NAV2: variants seen among roughly 807,000 people sequenced by gnomAD.
NAV2 encodes the protein helicase, APC down-regulated 1.
Under a neutral mutation model 223.2 loss-of-function variants are expected in NAV2, and 54 were observed. The observed-to-expected ratio is 0.24, with a 90% CI of 0.19 to 0.30. The LOEUF (loss-of-function observed/expected upper bound fraction) is 0.30. Among genes scored for constraint, NAV2 ranks in the 10% least tolerant of loss-of-function variants. NAV2 has a pLI of 1.00. For missense variants in NAV2, 2,806 were observed against 3,147.5 expected (o/e 0.89, Z 2.60); for synonymous variants, 1,279 against 1,239.3 (o/e 1.03, Z -0.67).
At chr11:19,930,391 T>C (rs2045213821) in intron 6 of NAV2, among the ~76,000 whole-genome samples, 1 of 152,190 alleles carries the variant, frequency 6.6e-6, no homozygotes, top group Non-Finnish European at 1.5e-5. Flanking sequence ...TAAGATCACA[T>C]TGATCCATGT....
chr11:19,555,186 A>G (rs10741779), intron 1 of NAV2, among the ~76,000 whole-genome samples: 40,798 of 152,048 alleles, frequency 0.27, 5,690 homozygotes, highest in East Asian at 0.47. Context: ...AATGCCATCA[A>G]TGAGGTGGGG....
chr11:20,104,088 C>T (rs1021051637), intron 34 of NAV2: 10 of 257,776 alleles, frequency 3.9e-5, no homozygotes, highest in South Asian at 1.5e-4. Flanking sequence ...TTTCCAGTGG[C>T]GTCTCTCTGT....
At position 19,462,925 on chromosome 11, in the gene NAV2, A is replaced by G. The variant is rs554635609; in HGVS notation, c.75+111898A>G. Among the ~76,000 whole-genome samples, 22 of 152,318 alleles carry G rather than the reference A, an allele frequency of 1.4e-4. 1 individual carries two copies. The South Asian group carries it at 1.7e-3, about 11-fold the overall frequency. ...CAGCTCTGTTTCCAGGTGGGCCTCTACAGAGTCCAAAATTTGGCACTTTCT... is the reference window on the plus strand; with the variant it reads ...CAGCTCTGTTTCCAGGTGGGCCTCTGCAGAGTCCAAAATTTGGCACTTTCT... On this transcript the variant is annotated intron_variant, in intron 1 of 37. Coordinates refer to the NAV2 transcript ENST00000360655.
chr11:19,813,180 T>G (rs2058927164), intron 1 of NAV2, among the ~76,000 whole-genome samples: 1 of 152,234 alleles, frequency 6.6e-6, no homozygotes, highest in African/African-American at 2.4e-5. Context: ...TGTTGTTTTT[T>G]CTTTTCAACA....
At chr11:19,970,095 G>A (rs1227818628) in intron 10 of NAV2, among the ~76,000 whole-genome samples, 1 of 152,180 alleles carries the variant, frequency 6.6e-6, no homozygotes, top group Non-Finnish European at 1.5e-5. Flanking sequence ...CACCCAATGT[G>A]AGACCACAGT....
At chr11:19,534,694 G>A (rs1285299309) in intron 1 of NAV2, among the ~76,000 whole-genome samples, 1 of 152,192 alleles carries the variant, frequency 6.6e-6, no homozygotes, top group East Asian at 1.9e-4. Flanking sequence ...AGGGCTCCCT[G>A]TGCAATGTTT....
At chr11:19,728,885 T>C (rs2051485925) in intron 1 of NAV2, among the ~76,000 whole-genome samples, 1 of 152,218 alleles carries the variant, frequency 6.6e-6, no homozygotes, top group South Asian at 2.1e-4. Flanking sequence ...TAATTCATTC[T>C]TTGTTATTAA....
intron 1 of NAV2, among the ~76,000 whole-genome samples, chr11:19,474,162 G>A (rs915620092): frequency 6.6e-6 from 1 of 152,232 alleles, no homozygotes; most frequent in South Asian, 2.1e-4. Flanking sequence ...AAGGGTATGA[G>A]AACCAGCAGT....
chr11:19,635,444 A>G (rs2047468452), intron 1 of NAV2, among the ~76,000 whole-genome samples: 1 of 152,196 alleles, frequency 6.6e-6, no homozygotes, highest in Non-Finnish European at 1.5e-5. Context: ...TAGTGTTACT[A>G]TGAGAGAATA....
chr11:19,668,966 T>C (rs1240239731), intron 1 of NAV2, among the ~76,000 whole-genome samples: 1 of 152,168 alleles, frequency 6.6e-6, no homozygotes, highest in Non-Finnish European at 1.5e-5. Flanking sequence ...GATTTTCATC[T>C]CTTGTCCATT....
intron 3 of NAV2, among the ~76,000 whole-genome samples, chr11:19,845,721 C>T (rs1341425027): frequency 6.6e-6 from 1 of 152,210 alleles, no homozygotes; most frequent in African/African-American, 2.4e-5. Context: ...CCCAGCTGCT[C>T]TGTTCTCTGC....
At chr11:19,815,687 G>A (rs983138611) in intron 1 of NAV2, among the ~76,000 whole-genome samples, 1 of 152,206 alleles carries the variant, frequency 6.6e-6, no homozygotes, top group Admixed American at 6.5e-5. Flanking sequence ...ACTGGACTGA[G>A]TTGGAATACC....
chr11:19,899,669 G>A (rs1271896976), intron 6 of NAV2, among the ~76,000 whole-genome samples: 2 of 152,192 alleles, frequency 1.3e-5, no homozygotes, highest in African/African-American at 4.8e-5. Context: ...ATAGAGAGAG[G>A]CTCAAAGTTG....
intron 1 of NAV2, among the ~76,000 whole-genome samples, chr11:19,657,589 T>C (rs1255814150): frequency 2.6e-5 from 4 of 152,172 alleles, no homozygotes; most frequent in African/African-American, 9.7e-5. Context: ...AAGTCACTCC[T>C]TCTCTGTATT....
At chr11:19,649,515 T>C (rs2047906425) in intron 1 of NAV2, among the ~76,000 whole-genome samples, 1 of 152,174 alleles carries the variant, frequency 6.6e-6, no homozygotes, top group Non-Finnish European at 1.5e-5. Context: ...GAAAGCCTGC[T>C]TCCTGGTTCA....
chr11:19,350,889 T>C (rs1317778186), exon 1 of NAV2: 17 of 1,507,600 alleles, frequency 1.1e-5, no homozygotes, highest in African/African-American at 1.4e-5. Flanking sequence ...TTGTGTGGGT[T>C]ATTTTGTTCC....
chr11:20,100,546 G>GGTGTGTGTGTGT (rs59857072), intron 31 of NAV2, among the ~76,000 whole-genome samples: 50 of 141,860 alleles, frequency 3.5e-4, no homozygotes, highest in East Asian at 1.7e-3. Flanking sequence ...ATACTAGAGG[G>GGTGTGTGTGTGT]GTGTGTGTGT....
intron 1 of NAV2, among the ~76,000 whole-genome samples, chr11:19,811,865 A>G (rs1286681541): frequency 1.3e-5 from 2 of 152,166 alleles, no homozygotes; most frequent in African/African-American, 2.4e-5. Context: ...AATTCCTACT[A>G]TGTGCTATGC....
At chr11:19,821,114 T>C (rs2059349979) in intron 1 of NAV2, among the ~76,000 whole-genome samples, 1 of 151,978 alleles carries the variant, frequency 6.6e-6, no homozygotes. Flanking sequence ...TATAAAAAAT[T>C]ACCCAGGCGT....
Sources: gnomAD v4.1 joint callset for allele counts (sites outside exome capture counted in the v4.1 genomes callset) on GRCh38, gnomAD v4.1.1 for gene constraint, MANE v1.5 for transcripts, NCBI Gene and HGNC (gene_info 2026-07-23, HGNC 2026-07-21) for gene names.